Variants in SLITRK4 observed in about 807,000 individuals in gnomAD.
The protein encoded by SLITRK4 is SLIT and NTRK-like protein 4.
A neutral mutation model predicts 34.7 loss-of-function variants in SLITRK4; 7 were observed. The ratio of observed to expected loss-of-function variants is 0.20; its 90% CI spans 0.11 to 0.38. The LOEUF is 0.38. Among genes scored for constraint, SLITRK4 ranks in the 10% least tolerant of loss-of-function variants. The probability of loss-of-function intolerance (pLI) is 1.00; values close to 1 mark genes in which losing one functional copy is unlikely to be tolerated. For synonymous variants in SLITRK4, 237 were observed against 246.2 expected, an observed-to-expected ratio of 0.96 and a Z score of 0.35; for missense variants, 474 against 607.0, an observed-to-expected ratio of 0.78 and a Z score of 2.30.
In SLITRK4 at chrX:143,630,148, G is replaced by A. The variant is rs781889670; in HGVS notation, c.961C>T (p.Leu321Phe). The change falls in exon 2 of 2, where the codon CTC becomes TTC. Residue 321 changes from leucine to phenylalanine, a missense_variant. Leu to Phe is a conservative substitution (Grantham distance 22). This residue lies in a region of SLITRK4 where 345 missense variants were observed against 406.5 expected (regional missense o/e 0.85). Coordinates refer to ENST00000356928, the MANE Select transcript of SLITRK4 (RefSeq NM_001184749.3). ...ATCTGACTGAGATTGCGGTTGGAGA[G>A]GGCTTTGCCTGCAACGATTCCAGAG... ...KISGIVAGKALSNRNLSQIVS... is the reference protein window; with the variant it reads ...KISGIVAGKAFSNRNLSQIVS... 8 of 1,210,004 alleles carry A rather than the reference G, an allele frequency of 6.6e-6. No homozygotes were observed. Among genetic ancestry groups the A allele is most frequent in the African/African-American group, 1.8e-5 (1 of 57,068 alleles).
At chrX:143,632,582 C>T (rs1479924023) in intron 1 of SLITRK4, among the ~76,000 whole-genome samples, 1 of 111,779 alleles carries the variant, frequency 8.9e-6, no homozygotes, top group Non-Finnish European at 1.9e-5. Context: ...AGAAGTGTCG[C>T]ACAGAAACTC....
At position 143,626,573 on chromosome X, in the gene SLITRK4, CT is replaced by C. The variant is rs60432704; in HGVS notation, c.*2021del. On this transcript the variant is annotated 3_prime_UTR_variant, in exon 2 of 2. Coordinates refer to ENST00000356928, the MANE Select transcript of SLITRK4 (RefSeq NM_001184749.3). ...ACACACACCCAAGAAAGCCAAGCTT[CT>C]TTTTTTTGTCTTGCAACAAACACAT... 0.22 allele frequency: 23,305 copies of C among 106,693 alleles called. 2,430 individuals are homozygous for C. Among genetic ancestry groups the C allele is most frequent in the Admixed American group, 0.35 (3,432 of 9,681 alleles). The allele number at this position is 106,693 out of a possible 1,213,427, so 8.8% of individuals were successfully genotyped here.
chrX:143,629,868 G>A lies in SLITRK4; in HGVS notation c.1241C>T (p.Thr414Ile). Residue 414 changes from threonine to isoleucine, a missense_variant, in exon 2 of 2, where the codon ACA becomes ATA. Transcript: ENST00000356928. ...DLLHLGSNQI[T>I]VIKGDVFHNL... The stretch of plus-strand genomic sequence containing the variant: ...GTGAAATACGTCTCCCTTAATCACT[G>A]TAATTTGATTGCTGCCTAAATGAAG... The A allele has an allele frequency of 1.7e-6, 2 of 1,211,363 alleles. No individual in the cohort carries two copies. Among genetic ancestry groups the A allele is most frequent in the Non-Finnish European group, 2.2e-6 (2 of 895,242 alleles).
At chrX:143,632,012 C>T (rs781871432) in intron 1 of SLITRK4, among the ~76,000 whole-genome samples, 2 of 111,877 alleles carry the variant, frequency 1.8e-5, no homozygotes, top group South Asian at 7.5e-4. Flanking sequence ...AGTCTTTCCA[C>T]TTTGAGAACT....
rs374198793 is a variant in SLITRK4 at position 143,630,577 on chromosome X, C to A, written c.532G>T (p.Ala178Ser). The A allele has an allele frequency of 5.0e-6, 6 of 1,209,137 alleles. No homozygotes were observed. The Admixed American group carries it at 8.8e-5, about 18-fold the overall frequency. Residue 178 changes from alanine (A) to serine (S), a missense_variant, in exon 2 of 2, where the codon GCA (alanine) becomes TCA (serine). By Grantham distance (99) the Ala-to-Ser change is moderately conservative (BLOSUM62 1). This residue lies in a region of SLITRK4 where 45 missense variants were observed against 99.2 expected (regional missense o/e 0.45). Coordinates refer to ENST00000356928, the MANE Select transcript of SLITRK4 (RefSeq NM_001184749.3). ...SFLPDNIFRFASLTHLDIRGN... is the reference protein window; with the variant it reads ...SFLPDNIFRFSSLTHLDIRGN... The stretch of plus-strand genomic sequence containing the variant: ...CGTATATCCAGATGGGTCAAAGATG[C>A]GAATCGGAAAATATTATCAGGAAGG...
intron 1 of SLITRK4, among the ~76,000 whole-genome samples, chrX:143,631,934 T>C (rs980717644): frequency 6.2e-5 from 7 of 112,182 alleles, no homozygotes; most frequent in African/African-American, 2.3e-4. Flanking sequence ...AAAAGCCTTT[T>C]GTCTTGGAGC....
rs1206473835 is a variant in SLITRK4, at chrX:143,623,495, A to G, written c.*5100T>C. ...TCATTTCCTATAAGATAAACAACAC[A>G]ATTTCCCTTCCTCGATTTTCCCTTT... On this transcript the variant is annotated 3_prime_UTR_variant, in exon 2 of 2. Coordinates refer to ENST00000356928, the MANE Select transcript of SLITRK4 (RefSeq NM_001184749.3). 2 of 110,355 alleles carry G rather than the reference A, an allele frequency of 1.8e-5. No individual in the cohort carries two copies. The highest frequency in any genetic ancestry group is 3.8e-5 in the Non-Finnish European group (2 of 52,669). The allele number at this position is 110,355 out of a possible 1,213,427, so 9.1% of individuals were successfully genotyped here.
rs1930838064 is a variant in SLITRK4 at position 143,627,624 on chromosome X, A to G, written c.*971T>C. The G allele has an allele frequency of 9.0e-6, 1 of 111,638 alleles. No individual in the cohort carries two copies. The highest frequency in any genetic ancestry group is 1.9e-5 in the Non-Finnish European group (1 of 53,078). The allele number at this position is 111,638 out of a possible 1,213,427, so 9.2% of individuals were successfully genotyped here. On this transcript the variant is annotated 3_prime_UTR_variant, in exon 2 of 2. Transcript: ENST00000356928. ...TACTGATAAATTCACTGTGATCAGGAAAACAAGTCAGGCATATTAAATACA... is the reference window on the plus strand; with the variant it reads ...TACTGATAAATTCACTGTGATCAGGGAAACAAGTCAGGCATATTAAATACA...
chrX:143,630,785 T>G lies in SLITRK4; in HGVS notation c.324A>C (p.Ala108=). The part of the protein sequence containing the change: ...IEGGAFLGLS[A]LKQLHLNNNE... ...TGTTGTTCAAGTGCAACTGCTTTAATGCACTGAGCCCAAGAAAGGCTCCTC... is the reference window on the plus strand; with the variant it reads ...TGTTGTTCAAGTGCAACTGCTTTAAGGCACTGAGCCCAAGAAAGGCTCCTC... The change falls in exon 2 of 2, where the codon GCA becomes GCC. Residue 108 remains alanine (A), a synonymous_variant. Coordinates refer to ENST00000356928, the MANE Select transcript of SLITRK4 (RefSeq NM_001184749.3). 8.3e-7 allele frequency: 1 copy of G among 1,212,050 alleles called. No individual in the cohort carries two copies. Among genetic ancestry groups the G allele is most frequent in the South Asian group, 1.8e-5 (1 of 56,944 alleles).
intron 1 of SLITRK4, among the ~76,000 whole-genome samples, chrX:143,633,221 G>A (rs1421788405): frequency 1.8e-5 from 2 of 109,758 alleles, no homozygotes; most frequent in African/African-American, 6.7e-5. Context: ...GCAAGAGAGA[G>A]AAAGAGTCCA....
Position 143,629,446 on chromosome X carries a change from C to T in SLITRK4, c.1663G>A (p.Val555Met). The stretch of plus-strand genomic sequence containing the variant: ...GGCGTCTCACATTTCAGTTCTTTCA[C>T]AACAATCCCGTCGCTCAACTTCTCC... ...WVEKLSDGIVVKELKCETPVQ... is the reference protein window; with the variant it reads ...WVEKLSDGIVMKELKCETPVQ... Residue 555 changes from valine to methionine, a missense_variant, in exon 2 of 2, where the codon GTG becomes ATG. This residue lies in a region of SLITRK4 where 345 missense variants were observed against 406.5 expected (regional missense o/e 0.85). Transcript: ENST00000356928. 1 of 1,211,556 alleles carries T rather than the reference C, an allele frequency of 8.3e-7. No individual in the cohort carries two copies. Among genetic ancestry groups the T allele is most frequent in the South Asian group, 1.8e-5 (1 of 56,961 alleles).
chrX:143,629,093 G>A lies in SLITRK4; in HGVS notation c.2016C>T (p.Asp672=). The part of the protein sequence containing the change: ...GSMQLQLRKH[D]HKTNKKDGLS... ...GTCCATCTTTTTTATTGGTTTTGTG[G>A]TCATGCTTCCTTAGCTGCAGCTGCA... is the stretch of plus-strand genomic sequence containing the variant. Residue 672 remains aspartate, a synonymous_variant, in exon 2 of 2, where the codon GAC becomes GAT. Coordinates refer to ENST00000356928, the MANE Select transcript of SLITRK4 (RefSeq NM_001184749.3). 2 of 1,211,728 alleles carry A rather than the reference G, an allele frequency of 1.7e-6. No individual in the cohort carries two copies. The highest frequency in any genetic ancestry group is 3.5e-5 in the South Asian group (2 of 56,992).
In SLITRK4 at chrX:143,627,923, T is replaced by G. The variant is rs190270120; in HGVS notation, c.*672A>C. 27 of 196,052 alleles carry G rather than the reference T, an allele frequency of 1.4e-4. No individual in the cohort carries two copies. Among genetic ancestry groups the G allele is most frequent in the African/African-American group, 7.9e-4 (27 of 33,963 alleles). 16.2% of individuals were successfully genotyped at this position (196,052 alleles called of 1,213,427 possible). ...ATTTTTTCTTTTAGATTTTTATGTA[T>G]AGACAGGTAATGCTTAAAGTGTTCA... On this transcript the variant is annotated 3_prime_UTR_variant, in exon 2 of 2. Coordinates refer to ENST00000356928, the MANE Select transcript of SLITRK4 (RefSeq NM_001184749.3).
In SLITRK4 at chrX:143,627,495, ATT is replaced by A. The variant is rs1257030450; in HGVS notation, c.*1098_*1099del. 9.0e-6 allele frequency: 1 copy of A among 110,544 alleles called. No homozygotes were observed. The highest frequency in any genetic ancestry group is 9.7e-5 in the Admixed American group (1 of 10,261). The allele number at this position is 110,544 out of a possible 1,213,427, so 9.1% of individuals were successfully genotyped here. On this transcript the variant is annotated 3_prime_UTR_variant, in exon 2 of 2. Coordinates refer to ENST00000356928, the MANE Select transcript of SLITRK4 (RefSeq NM_001184749.3). Reference sequence around the variant, plus strand: ...TTTTTTTCTTTTCTGTTTGTTTTAAATTTTTTTTGTTTTTAAGTTACACCTGA... The same window carrying A: ...TTTTTTTCTTTTCTGTTTGTTTTAAATTTTTTGTTTTTAAGTTACACCTGA...
rs782258164 is a variant in SLITRK4 at position 143,630,094 on chromosome X, G to C, written c.1015C>G (p.Leu339Val). The part of the protein sequence containing the change: ...IVSYQTRVPP[L>V]TPCPAPCFCK... The stretch of plus-strand genomic sequence containing the variant: ...AAGCAAGGTGCCGGGCAAGGTGTTA[G>C]AGGAGGCACCCTTGTTTGGTAAGAC... The change falls in exon 2 of 2, where the codon CTA becomes GTA. Residue 339 changes from leucine to valine, a missense_variant. Physicochemically the swap from Leu to Val is conservative, Grantham distance 32 (BLOSUM62 1). This residue lies in a region of SLITRK4 where 345 missense variants were observed against 406.5 expected (regional missense o/e 0.85). Coordinates refer to ENST00000356928, the MANE Select transcript of SLITRK4 (RefSeq NM_001184749.3). 4.9e-5 allele frequency: 59 copies of C among 1,210,455 alleles called. No individual in the cohort carries two copies. Among genetic ancestry groups the C allele is most frequent in the Non-Finnish European group, 6.3e-5 (56 of 895,367 alleles).
At position 143,623,800 on chromosome X, in the gene SLITRK4, A is replaced by G. The variant is rs1434502401; in HGVS notation, c.*4795T>C. ...CAAACAGGATATTTTATTTTAGTTC[A>G]GCCCATCTGACCACAGTGACTAATG... On this transcript the variant is annotated 3_prime_UTR_variant, in exon 2 of 2. Transcript: ENST00000356928. The G allele has an allele frequency of 9.0e-6, 1 of 111,492 alleles. No individual in the cohort carries two copies. Among genetic ancestry groups the G allele is most frequent in the African/African-American group, 3.3e-5 (1 of 30,759 alleles). 9.2% of individuals were successfully genotyped at this position (111,492 alleles called of 1,213,427 possible).
In SLITRK4 at chrX:143,627,881, C is replaced by A; in HGVS notation, c.*714G>T. On this transcript the variant is annotated 3_prime_UTR_variant, in exon 2 of 2. Transcript: ENST00000356928. ...ATATTTCTTCAGATCATCACAAATGCTATCTAACTCACGTTGATTTTTTCT... is the reference window on the plus strand; with the variant it reads ...ATATTTCTTCAGATCATCACAAATGATATCTAACTCACGTTGATTTTTTCT... 6.8e-6 allele frequency: 1 copy of A among 147,930 alleles called. No homozygotes were observed. The highest frequency in any genetic ancestry group is 1.3e-5 in the Non-Finnish European group (1 of 75,969). The allele number at this position is 147,930 out of a possible 1,213,427, so 12.2% of individuals were successfully genotyped here. A position where few individuals can be genotyped will look rare whatever the true frequency, so the allele number is the denominator to read the frequency against.
At chrX:143,631,592 A>C (rs1931041614) in intron 1 of SLITRK4, among the ~76,000 whole-genome samples, 1 of 109,637 alleles carries the variant, frequency 9.1e-6, no homozygotes, top group Non-Finnish European at 1.9e-5. Context: ...TCTAAGCTTC[A>C]GCTAGATAGA....
rs782802386 is a variant in SLITRK4 at position 143,630,741 on chromosome X, C to T, written c.368G>A (p.Arg123Gln). The stretch of plus-strand genomic sequence containing the variant: ...CTCTATGCCAAGGAAAGTGTCAGCT[C>T]GGAGAATCTTTAATTCATTGTTGTT... ...HLNNNELKIL[R>Q]ADTFLGIENL... is the part of the protein sequence containing the mutation. The change falls in exon 2 of 2, where the codon CGA (arginine) becomes CAA (glutamine). Residue 123 changes from arginine (R) to glutamine (Q), a missense_variant. Around this residue, in one of 3 missense-constraint regions of SLITRK4, gnomAD observed 84 missense variants for 101.3 expected, o/e 0.83. Coordinates refer to ENST00000356928, the MANE Select transcript of SLITRK4 (RefSeq NM_001184749.3). 11 of 1,210,208 alleles carry T rather than the reference C, an allele frequency of 9.1e-6. No homozygotes were observed. The highest frequency in any genetic ancestry group is 3.5e-5 in the South Asian group (2 of 56,479).
Sources: allele counts gnomAD v4.1 joint callset (sites outside exome capture counted in the v4.1 genomes callset), GRCh38; gene constraint gnomAD v4.1.1; regional missense constraint gnomAD v4.1.1; transcripts MANE v1.5; gene names NCBI Gene and HGNC (gene_info 2026-07-23, HGNC 2026-07-21).